Variants in EEF1AKMT2 observed in about 807,000 individuals in gnomAD.
EEF1AKMT2 encodes EEF1A lysine methyltransferase 2.
In EEF1AKMT2, 32 loss-of-function variants were observed where a neutral mutation model predicts 35.8. The ratio of observed to expected loss-of-function variants is 0.89; its 90% confidence interval spans 0.67 to 1.20. EEF1AKMT2 has a LOEUF of 1.20. Ranked by LOEUF, EEF1AKMT2 falls within the 50% of genes most tolerant of loss-of-function variation. EEF1AKMT2 has a pLI of 0.00. For missense variants in EEF1AKMT2, 330 were observed against 347.5 expected (o/e 0.95, Z 0.40); for synonymous variants, 121 against 133.7 (o/e 0.91, Z 0.65).
intron 3 of EEF1AKMT2, among the ~76,000 whole-genome samples, chr10:124,783,136 CCT>C: frequency 7.6e-6 from 1 of 131,886 alleles, no homozygotes; most frequent in Non-Finnish European, 1.6e-5. Context: ...TAGGGAAAAA[CCT>C]TTTTTTTTTT....
At chr10:124,781,345 G>A (rs1485006708) in intron 3 of EEF1AKMT2, among the ~76,000 whole-genome samples, 1 of 151,794 alleles carries the variant, frequency 6.6e-6, no homozygotes, top group Admixed American at 6.6e-5. Context: ...TTTGAAGGCT[G>A]AGGCAGGCAG....
At position 124,789,168 on chromosome 10, in the gene EEF1AKMT2, G is replaced by GAA. The variant is rs770428387; in HGVS notation, c.177-13_177-12dup. 3 of 1,577,154 alleles carry GAA rather than the reference G, an allele frequency of 1.9e-6. No individual in the cohort carries two copies. Among genetic ancestry groups the GAA allele is most frequent in the Non-Finnish European group, 2.6e-6 (3 of 1,148,466 alleles). ...CTCTCTTCTCCAAACCTGTTAGAGA[G>GAA]AATCAGTCAAATAACTGAGGGATAC... On this transcript the variant is annotated splice_polypyrimidine_tract_variant and intron_variant, in intron 2 of 6. Coordinates refer to ENST00000368836, the MANE Select transcript of EEF1AKMT2 (RefSeq NM_212554.4).
chr10:124,778,407 T>C (rs1293256367), intron 3 of EEF1AKMT2, among the ~76,000 whole-genome samples: 29 of 151,998 alleles, frequency 1.9e-4, no homozygotes. Flanking sequence ...AGACACATCA[T>C]AGTGTATCTG....
chr10:124,774,715 C>T lies in EEF1AKMT2; in HGVS notation c.359G>A (p.Ser120Asn), dbSNP rs1345091492. The T allele has an allele frequency of 6.8e-7, 1 of 1,481,474 alleles. No homozygotes were observed. The allele number at this position is 1,481,474 out of a possible 1,614,324, so 91.8% of individuals were successfully genotyped here. A position where few individuals can be genotyped will look rare whatever the true frequency, so the allele number is the denominator to read the frequency against. ...AGATAAACCTTCTTTTTCTATAATA[C>T]TTCCAGAAAGCTGAATTGCAGAAGG... The part of the protein sequence containing the change: ...YSPSAIQLSG[S>N]IIEKEGLSNI... Residue 120 changes from serine (S) to asparagine (N), a missense_variant, in exon 4 of 7, where the codon AGT (serine) becomes AAT (asparagine). Transcript: ENST00000368836.
intron 3 of EEF1AKMT2, 102 bp from the exon 4 acceptor site, chr10:124,774,884 G>A: frequency 2.1e-6 from 1 of 482,304 alleles, no homozygotes; most frequent in Non-Finnish European, 3.4e-6. Flanking sequence ...TATTTTTGAT[G>A]TAGAGAAAAT....
chr10:124,778,977 A>C (rs983648142), intron 3 of EEF1AKMT2, among the ~76,000 whole-genome samples: 1 of 152,206 alleles, frequency 6.6e-6, no homozygotes. Context: ...AGTACGTATA[A>C]GAAATGGTCT....
At chr10:124,790,157 T>G in intron 2 of EEF1AKMT2, 116 bp downstream of exon 2, 1 of 727,748 alleles carries the variant, frequency 1.4e-6, no homozygotes, top group South Asian at 1.6e-5. Flanking sequence ...CCTCCCAAAG[T>G]GCTGGGATTA....
intron 5 of EEF1AKMT2, among the ~76,000 whole-genome samples, chr10:124,763,660 C>T (rs145801240): frequency 6.6e-6 from 1 of 152,150 alleles, no homozygotes; most frequent in Non-Finnish European, 1.5e-5. Context: ...CAGACAAAGA[C>T]ACATTTTTAA....
At chr10:124,761,266 G>C (rs1467450936) in intron 6 of EEF1AKMT2, among the ~76,000 whole-genome samples, 2 of 152,134 alleles carry the variant, frequency 1.3e-5, no homozygotes, top group Non-Finnish European at 2.9e-5. Flanking sequence ...ACTTAATACA[G>C]AAAGGCAAAA....
At chr10:124,760,809 T>C (rs1284257148) in intron 6 of EEF1AKMT2, among the ~76,000 whole-genome samples, 5 of 152,230 alleles carry the variant, frequency 3.3e-5, no homozygotes, top group African/African-American at 9.6e-5. Flanking sequence ...CAAAGCTGTA[T>C]CTCTGTTAGC....
chr10:124,777,279 CAA>C (rs768724237), intron 3 of EEF1AKMT2, among the ~76,000 whole-genome samples: 28 of 62,758 alleles, frequency 4.5e-4, no homozygotes, highest in Non-Finnish European at 5.8e-4. Flanking sequence ...AACTCTGACT[CAA>C]AAAAAAAAAA....
chr10:124,789,456 G>C (rs1203240569), intron 2 of EEF1AKMT2, among the ~76,000 whole-genome samples: 2 of 152,154 alleles, frequency 1.3e-5, no homozygotes, highest in Non-Finnish European at 2.9e-5. Context: ...GTGAAATGCT[G>C]TCATCAAACG....
At position 124,789,270 on chromosome 10, in the gene EEF1AKMT2, T is replaced by C. The variant is rs1407022295; in HGVS notation, c.177-113A>G. 4.7e-6 allele frequency: 3 copies of C among 636,214 alleles called. No individual in the cohort carries two copies. In the East Asian group the frequency reaches 8.7e-5, roughly 19 times the overall value. 39.4% of individuals were successfully genotyped at this position (636,214 alleles called of 1,614,324 possible). Reference sequence around the variant, plus strand: ...AAACTCTTATTTGAAAGTGAAAACATCTGTGACTGCTTCAGCTTTGTCTCT... The same window carrying C: ...AAACTCTTATTTGAAAGTGAAAACACCTGTGACTGCTTCAGCTTTGTCTCT... On this transcript the variant is annotated intron_variant, in intron 2 of 6. Coordinates refer to ENST00000368836, the MANE Select transcript of EEF1AKMT2 (RefSeq NM_212554.4).
intron 3 of EEF1AKMT2, among the ~76,000 whole-genome samples, chr10:124,777,090 G>A (rs1449029217): frequency 6.6e-6 from 1 of 151,866 alleles, no homozygotes; most frequent in Non-Finnish European, 1.5e-5. Context: ...GACCAGCCTG[G>A]CCAACACGGT....
rs1417704626 is a variant in EEF1AKMT2 at position 124,785,810 on chromosome 10, C to T, written c.291+3233G>A. ...ACTCAGGAGGCTGAGGCAGGAGAAT[C>T]ACTTGAACCCTGCAGGTGGAGGTTG... is the stretch of plus-strand genomic sequence containing the variant. On this transcript the variant is annotated intron_variant, in intron 3 of 6. Transcript: ENST00000368836. Among the ~76,000 whole-genome samples the T allele has an allele frequency of 3.4e-5, 5 of 149,082 alleles. 1 individual carries two copies. Among genetic ancestry groups the T allele is most frequent in the Non-Finnish European group, 7.4e-5 (5 of 67,478 alleles).
rs60863408 is a variant in EEF1AKMT2, at chr10:124,769,248, A to ATATATATATATATATATGTG, written c.400-3641_400-3640insCACATATATATATATATATA. On this transcript the variant is annotated intron_variant, in intron 4 of 6. Coordinates refer to ENST00000368836, the MANE Select transcript of EEF1AKMT2 (RefSeq NM_212554.4). ...AAAAAAAAAAAATATATATATATAT[A>ATATATATATATATATATGTG]TGTGTGTATAAATAAAACGAACAGA... Among the ~76,000 whole-genome samples the ATATATATATATATATATGTG allele has an allele frequency of 1.0e-2, 634 of 63,682 alleles. 12 individuals carry two copies. The highest frequency in any genetic ancestry group is 0.016 in the Middle Eastern group (2 of 128). The allele number at this position is 63,682 out of a possible 152,430, so 41.8% of individuals were successfully genotyped here. A position where few individuals can be genotyped will look rare whatever the true frequency, so the allele number is the denominator to read the frequency against.
chr10:124,763,604 T>G (rs893439657), intron 5 of EEF1AKMT2, among the ~76,000 whole-genome samples: 17 of 152,218 alleles, frequency 1.1e-4, no homozygotes, highest in Non-Finnish European at 2.2e-4. Flanking sequence ...TTTGCTTAAA[T>G]TCTGTATTTT....
At chr10:124,767,783 C>T (rs1335719044) in intron 4 of EEF1AKMT2, among the ~76,000 whole-genome samples, 1 of 151,764 alleles carries the variant, frequency 6.6e-6, no homozygotes, top group African/African-American at 2.4e-5. Flanking sequence ...GTCAGGAGTT[C>T]GAGACCAGCC....
intron 6 of EEF1AKMT2, 110 bp downstream of exon 6, chr10:124,762,189 TG>T (rs1950337304): frequency 3.6e-6 from 3 of 836,724 alleles, no homozygotes. Flanking sequence ...TCAAATTCAC[TG>T]TGATTTTGTA....
Sources: gnomAD v4.1 joint callset for allele counts (sites outside exome capture counted in the v4.1 genomes callset) on GRCh38, gnomAD v4.1.1 for gene constraint, MANE v1.5 for transcripts, NCBI Gene and HGNC (gene_info 2026-07-23, HGNC 2026-07-21) for gene names.